FSTL4: variants seen among roughly 807,000 people sequenced by gnomAD.
FSTL4 encodes follistatin like 4, also known as follistatin-related protein 4.
In FSTL4, 28 loss-of-function variants were observed where a neutral mutation model predicts 78.2. The ratio of observed to expected loss-of-function variants is 0.36; its 90% CI spans 0.27 to 0.49. FSTL4 has a LOEUF of 0.49. FSTL4 is among the 20% of genes least tolerant of loss of function. The pLI, the probability that FSTL4 is intolerant of heterozygous loss-of-function variation, is 0.98. For synonymous variants in FSTL4, 422 were observed against 440.5 expected (o/e 0.96, Z 0.53); for missense variants, 922 against 1,084.9 (o/e 0.85, Z 2.11).
the FSTL4 span, among the ~76,000 whole-genome samples, chr5:133,631,554 T>A: frequency 6.6e-6 from 1 of 151,910 alleles, no homozygotes; most frequent in Non-Finnish European, 1.5e-5. Context: ...CTGGTAGGAG[T>A]GTAAATTAGT....
chr5:133,660,664 G>T, the FSTL4 span, among the ~76,000 whole-genome samples: 14 of 152,296 alleles, frequency 9.2e-5, no homozygotes, highest in East Asian at 2.7e-3. Context: ...GTGCCACTGG[G>T]TGACTGCAGA....
At chr5:133,807,052 T>C in the FSTL4 span, among the ~76,000 whole-genome samples, 3 of 152,224 alleles carry the variant, frequency 2.0e-5, no homozygotes, top group Admixed American at 1.3e-4. Flanking sequence ...TGGATATTCA[T>C]GAGCATTCCA....
At chr5:133,478,183 C>T (rs772775105) in intron 3 of FSTL4, among the ~76,000 whole-genome samples, 4 of 152,144 alleles carry the variant, frequency 2.6e-5, no homozygotes, top group Admixed American at 6.5e-5. Context: ...GCCACATAAC[C>T]GATTCCCTGA....
the FSTL4 span, among the ~76,000 whole-genome samples, chr5:133,633,925 C>T: frequency 6.6e-6 from 1 of 152,118 alleles, no homozygotes; most frequent in East Asian, 1.9e-4. Flanking sequence ...TAGGCCTTCA[C>T]TGAAACCTCC....
At chr5:133,325,832 C>T (rs1754198300) in intron 4 of FSTL4, among the ~76,000 whole-genome samples, 2 of 152,286 alleles carry the variant, frequency 1.3e-5, no homozygotes, top group African/African-American at 2.4e-5. Flanking sequence ...GGACATGCCC[C>T]CATCCTCTTG....
rs142367534 is a variant in FSTL4, at chr5:133,272,368, G to A, written c.728-22792C>T. The stretch of plus-strand genomic sequence containing the variant: ...CTGTGGAAAAAGCAGTTTGCCCAGC[G>A]TGGTGGTAAGGAGGGCATGATGGAA... On this transcript the variant is annotated intron_variant, in intron 6 of 15. Transcript: ENST00000265342. Among the ~76,000 whole-genome samples, 780 of 152,334 alleles carry A rather than the reference G, an allele frequency of 5.1e-3. 8 individuals are homozygous for A. The highest frequency in any genetic ancestry group is 0.018 in the African/African-American group (742 of 41,568).
chr5:133,472,759 AT>A (rs2112850050), intron 3 of FSTL4, among the ~76,000 whole-genome samples: 1 of 152,388 alleles, frequency 6.6e-6, no homozygotes, highest in South Asian at 2.1e-4. Flanking sequence ...ATAGAAGACC[AT>A]CCAAATGCTG....
chr5:133,263,780 A>G (rs994367706), intron 6 of FSTL4, among the ~76,000 whole-genome samples: 1 of 152,176 alleles, frequency 6.6e-6, no homozygotes, highest in Non-Finnish European at 1.5e-5. Context: ...GTGATTGGAT[A>G]GAGAGGGAGA....
intron 15 of FSTL4, 85 bp downstream of exon 15, chr5:133,201,848 G>GTCTCCTC: frequency 1.4e-6 from 1 of 724,680 alleles, no homozygotes; most frequent in Non-Finnish European, 2.3e-6. Flanking sequence ...AGAGAAATGA[G>GTCTCCTC]CAGGTCCCAT....
At chr5:133,808,364 G>T in the FSTL4 span, among the ~76,000 whole-genome samples, 1 of 152,302 alleles carries the variant, frequency 6.6e-6, no homozygotes, top group East Asian at 1.9e-4. Context: ...GCGAAGCCAT[G>T]TTGTTCAATC....
the FSTL4 span, among the ~76,000 whole-genome samples, chr5:133,712,201 C>T: frequency 2.0e-5 from 3 of 152,192 alleles, no homozygotes; most frequent in East Asian, 5.8e-4. Flanking sequence ...TTCCCATTAG[C>T]TCTAATGGAT....
At chr5:133,698,825 C>T in the FSTL4 span, among the ~76,000 whole-genome samples, 5 of 152,202 alleles carry the variant, frequency 3.3e-5, no homozygotes, top group Non-Finnish European at 4.4e-5. Context: ...CAAAATACAA[C>T]GAGACCTCGG....
the FSTL4 span, among the ~76,000 whole-genome samples, chr5:133,727,697 C>T: frequency 3.3e-5 from 5 of 152,194 alleles, no homozygotes; most frequent in Non-Finnish European, 7.3e-5. Context: ...ACATCTGAAT[C>T]CTGGAACCAT....
chr5:133,617,221 C>T (rs1191782235), upstream of FSTL4, among the ~76,000 whole-genome samples: 2 of 149,820 alleles, frequency 1.3e-5, no homozygotes, highest in Admixed American at 6.7e-5. Flanking sequence ...ATCACTTGAA[C>T]CCGGGAGGCA....
intron 3 of FSTL4, among the ~76,000 whole-genome samples, chr5:133,479,503 T>A (rs1757986864): frequency 1.3e-5 from 2 of 152,218 alleles, no homozygotes; most frequent in Admixed American, 1.3e-4. Context: ...GCACATGTGA[T>A]GGAATATGAT....
In FSTL4 at chr5:133,225,970, C is replaced by T. The variant is rs967597681; in HGVS notation, c.1016-151G>A. Reference sequence around the variant, plus strand: ...ACCAAATTATAATAATCCTGTCCAGCAACGCAAGCTCTAAAAGAAAGGGCT... The same window carrying T: ...ACCAAATTATAATAATCCTGTCCAGTAACGCAAGCTCTAAAAGAAAGGGCT... On this transcript the variant is annotated intron_variant, in intron 8 of 15. Transcript: ENST00000265342. The surrounding 1 kb of genome is among the most constrained non-coding windows in gnomAD (Gnocchi z 4.6). 7.9e-6 allele frequency: 4 copies of T among 508,676 alleles called. No homozygotes were observed. Among genetic ancestry groups the T allele is most frequent in the Non-Finnish European group, 1.4e-5 (4 of 292,650 alleles). The allele number at this position is 508,676 out of a possible 1,614,324, so 31.5% of individuals were successfully genotyped here. A position where few individuals can be genotyped will look rare whatever the true frequency, so the allele number is the denominator to read the frequency against.
At chr5:133,649,683 C>T in the FSTL4 span, among the ~76,000 whole-genome samples, 1 of 152,044 alleles carries the variant, frequency 6.6e-6, no homozygotes, top group African/African-American at 2.4e-5. Context: ...AGGTCTTTGG[C>T]CCATTTTTTA....
At position 133,513,974 on chromosome 5, in the gene FSTL4, C is replaced by T. The variant is rs374578459; in HGVS notation, c.160+53212G>A. Among the ~76,000 whole-genome samples the T allele has an allele frequency of 1.2e-4, 18 of 152,092 alleles. No homozygotes were observed. In the South Asian group the frequency reaches 3.5e-3, roughly 30 times the overall value. On this transcript the variant is annotated intron_variant, in intron 3 of 15. Transcript: ENST00000265342. Reference sequence around the variant, plus strand: ...CCGGTGGATCACGAGGTCAGGAGATCGAGACCATCCTGGCTAACACGGTGA... The same window carrying T: ...CCGGTGGATCACGAGGTCAGGAGATTGAGACCATCCTGGCTAACACGGTGA...
chr5:133,206,768 A>C (rs1750521754), intron 14 of FSTL4, among the ~76,000 whole-genome samples: 1 of 151,652 alleles, frequency 6.6e-6, no homozygotes, highest in African/African-American at 2.4e-5. Flanking sequence ...GTTGTGAAGG[A>C]TTCATCTTTT....
Sources: gnomAD v4.1 joint callset for allele counts (sites outside exome capture counted in the v4.1 genomes callset) on GRCh38, gnomAD v4.1.1 for gene constraint, Gnocchi (gnomAD v3.1) non-coding constraint, MANE v1.5 for transcripts, NCBI Gene and HGNC (gene_info 2026-07-23, HGNC 2026-07-21) for gene names.